Variants in PIK3R5 observed in about 807,000 individuals in gnomAD.
The protein encoded by PIK3R5 is phosphoinositide 3-kinase regulatory subunit 5.
PIK3R5 carries 32 observed loss-of-function variants against 94.9 expected under a neutral mutation model. The ratio of observed to expected loss-of-function variants is 0.34; its 90% CI spans 0.25 to 0.45. PIK3R5 has a LOEUF of 0.45. Among genes scored for constraint, PIK3R5 ranks in the 20% least tolerant of loss-of-function variants. PIK3R5 has a pLI of 1.00. For missense variants in PIK3R5, 853 were observed against 1,144.6 expected (o/e 0.75, Z 3.68); for synonymous variants, 443 against 479.4 (o/e 0.92, Z 0.99).
intron 5 of PIK3R5, among the ~76,000 whole-genome samples, chr17:8,895,118 A>C (rs1228381595): frequency 6.6e-6 from 1 of 152,162 alleles, no homozygotes; most frequent in East Asian, 1.9e-4. Context: ...GACTTGGGAC[A>C]CCATCTGGTG....
chr17:8,951,315 A>G (rs559271346), intron 1 of PIK3R5, among the ~76,000 whole-genome samples: 2 of 152,298 alleles, frequency 1.3e-5, no homozygotes, highest in South Asian at 4.1e-4. Flanking sequence ...AAGTACATTC[A>G]CAATGTTGTG....
In PIK3R5 at chr17:8,935,740, T is replaced by G. The variant is rs1383009609; in HGVS notation, c.-13-24233A>C. Reference sequence around the variant, plus strand: ...GGACAGCTCCTGGCAGGATGGGGCTTGGCATCGGATTTCAGTCAACATAAG... The same window carrying G: ...GGACAGCTCCTGGCAGGATGGGGCTGGGCATCGGATTTCAGTCAACATAAG... On this transcript the variant is annotated intron_variant, in intron 1 of 18. Coordinates refer to ENST00000447110, the MANE Select transcript of PIK3R5 (RefSeq NM_001142633.3). This position sits in a 1 kb window ranked among gnomAD's most constrained non-coding sequence, Gnocchi z 4.5. Among the ~76,000 whole-genome samples the G allele has an allele frequency of 1.3e-5, 2 of 152,106 alleles. No homozygotes were observed. Among genetic ancestry groups the G allele is most frequent in the Non-Finnish European group, 2.9e-5 (2 of 68,006 alleles).
At chr17:8,913,962 G>C (rs1318314671) in intron 1 of PIK3R5, among the ~76,000 whole-genome samples, 1 of 152,176 alleles carries the variant, frequency 6.6e-6, no homozygotes, top group Non-Finnish European at 1.5e-5. Flanking sequence ...GCATCTGTGG[G>C]GACTGACACC....
At chr17:8,932,162 G>A (rs1284255997) in intron 1 of PIK3R5, among the ~76,000 whole-genome samples, 1 of 152,116 alleles carries the variant, frequency 6.6e-6, no homozygotes, top group South Asian at 2.1e-4. Flanking sequence ...TTATAAATAT[G>A]TTCAGAGATT....
rs759798966 is a variant in PIK3R5, at chr17:8,889,957, C to T, written c.811+16G>A. The T allele has an allele frequency of 3.3e-5, 53 of 1,613,004 alleles. 1 individual carries two copies. The South Asian group carries it at 5.4e-4, about 16-fold the overall frequency. On this transcript the variant is annotated intron_variant, in intron 8 of 18. Transcript: ENST00000447110. This position sits in a 1 kb window ranked among gnomAD's most constrained non-coding sequence, Gnocchi z 4.1. ...ATGGGGAATGTGGGAGAACCCCATT[C>T]TCCCAAGAGCCTCACCTAACACCCC...
At chr17:8,928,645 A>G (rs1018234385) in intron 1 of PIK3R5, among the ~76,000 whole-genome samples, 4 of 152,244 alleles carry the variant, frequency 2.6e-5, no homozygotes, top group Non-Finnish European at 4.4e-5. Context: ...CCTAGAGTCC[A>G]ATATCCAGCA....
Position 8,888,337 on chromosome 17 carries a change from G to C in PIK3R5, c.1450C>G (p.Leu484Val). 2 of 1,612,494 alleles carry C rather than the reference G, an allele frequency of 1.2e-6. No individual in the cohort carries two copies. The highest frequency in any genetic ancestry group is 1.7e-6 in the Non-Finnish European group (2 of 1,179,654). ...AGCCAGCTGGGCAGCTGGGTACCGA[G>C]TTTGGGCTGGGGCAGGGAGCGGGAG... ...QRSRSLPQPK[L>V]GTQLPSWLLA... Residue 484 changes from leucine (L) to valine (V), a missense_variant, in exon 10 of 19, where the codon CTC (leucine) becomes GTC (valine). Around this residue, in one of 6 missense-constraint regions of PIK3R5, gnomAD observed 319 missense variants for 339.8 expected, o/e 0.94. Transcript: ENST00000447110. This position sits in a 1 kb window ranked among gnomAD's most constrained non-coding sequence, Gnocchi z 7.8.
At chr17:8,898,719 C>T (rs190662135) in intron 5 of PIK3R5, among the ~76,000 whole-genome samples, 6 of 152,280 alleles carry the variant, frequency 3.9e-5, no homozygotes, top group South Asian at 4.1e-4. Context: ...TCATCATCAA[C>T]GATAATTATA....
chr17:8,932,962 A>G (rs540653461), intron 1 of PIK3R5, among the ~76,000 whole-genome samples: 2 of 152,286 alleles, frequency 1.3e-5, no homozygotes, highest in African/African-American at 4.8e-5. Flanking sequence ...GCTGAAAATC[A>G]AAGATAAAGA....
At chr17:8,902,846 A>ATTTTTTTTTTTTTTTTTTTTTTTGTT (rs35776068) in intron 5 of PIK3R5, among the ~76,000 whole-genome samples, 1 of 140,168 alleles carries the variant, frequency 7.1e-6, no homozygotes, top group Non-Finnish European at 1.5e-5. Flanking sequence ...TTTAGATAGA[A>ATTTTTTTTTTTTTTTTTTTTTTTGTT]TTTTTTTTTT....
chr17:8,892,157 C>A lies in PIK3R5; in HGVS notation c.483-1245G>T, dbSNP rs1399415667. Among the ~76,000 whole-genome samples the A allele has an allele frequency of 2.6e-5, 4 of 152,172 alleles. No individual in the cohort carries two copies. The highest frequency in any genetic ancestry group is 4.4e-5 in the Non-Finnish European group (3 of 68,038). ...CGTTTAAACCCAGTGCAAAGGAGCACCACGCAGGGCAGCATTCCCTCCACA... is the reference window on the plus strand; with the variant it reads ...CGTTTAAACCCAGTGCAAAGGAGCAACACGCAGGGCAGCATTCCCTCCACA... On this transcript the variant is annotated intron_variant, in intron 6 of 18. Coordinates refer to ENST00000447110, the MANE Select transcript of PIK3R5 (RefSeq NM_001142633.3). The surrounding 1 kb of genome is among the most constrained non-coding windows in gnomAD (Gnocchi z 4.3).
In PIK3R5 at chr17:8,911,561, C is replaced by T; in HGVS notation, c.-13-54G>A. Reference sequence around the variant, plus strand: ...TGTCGAGCTCCTTTCCCAGAGAGCACCTGGTCCAGTAAAGACAACAGGTGC... The same window carrying T: ...TGTCGAGCTCCTTTCCCAGAGAGCATCTGGTCCAGTAAAGACAACAGGTGC... On this transcript the variant is annotated intron_variant, in intron 1 of 18. Coordinates refer to ENST00000447110, the MANE Select transcript of PIK3R5 (RefSeq NM_001142633.3). The surrounding 1 kb of genome is among the most constrained non-coding windows in gnomAD (Gnocchi z 5.3). 2 of 1,208,972 alleles carry T rather than the reference C, an allele frequency of 1.7e-6. No homozygotes were observed. The highest frequency in any genetic ancestry group is 2.4e-6 in the Non-Finnish European group (2 of 840,232). 74.9% of individuals were successfully genotyped at this position (1,208,972 alleles called of 1,614,324 possible).
At position 8,887,116 on chromosome 17, in the gene PIK3R5, G is replaced by A. The variant is rs61761068; in HGVS notation, c.1885C>T (p.Pro629Ser). 2,461 of 1,614,038 alleles carry A rather than the reference G, an allele frequency of 1.5e-3. 30 individuals carry two copies. In the African/African-American group the frequency reaches 0.027, roughly 18 times the overall value. ...ERNVLGLMHL[P>S]PEVLCQQSLK... is the part of the protein sequence containing the mutation. ...CTTACCTGGCACAGGACTTCAGGGG[G>A]CAGGTGCATGAGGCCCAGTACATTG... The change falls in exon 12 of 19, where the codon CCC becomes TCC. Residue 629 changes from proline to serine, a missense_variant. Physicochemically the swap from Pro to Ser is moderately conservative, Grantham distance 74. Transcript: ENST00000447110.
At chr17:8,898,076 C>T (rs1255040295) in intron 5 of PIK3R5, among the ~76,000 whole-genome samples, 1 of 152,188 alleles carries the variant, frequency 6.6e-6, no homozygotes, top group Admixed American at 6.5e-5. Context: ...TCTGGAACAC[C>T]TGCCTCTACT....
intron 1 of PIK3R5, among the ~76,000 whole-genome samples, chr17:8,923,296 G>A (rs2090791493): frequency 6.6e-6 from 1 of 152,158 alleles, no homozygotes; most frequent in Non-Finnish European, 1.5e-5. Flanking sequence ...AAGACAACAG[G>A]ATGTACAATG....
chr17:8,944,260 G>C (rs2091236801), intron 1 of PIK3R5, among the ~76,000 whole-genome samples: 1 of 152,136 alleles, frequency 6.6e-6, no homozygotes, highest in African/African-American at 2.4e-5. Flanking sequence ...ACATGATCTT[G>C]TTCTTTTTCA....
In PIK3R5 at chr17:8,935,209, C is replaced by A. The variant is rs958000008; in HGVS notation, c.-13-23702G>T. On this transcript the variant is annotated intron_variant, in intron 1 of 18. Transcript: ENST00000447110. This position sits in a 1 kb window ranked among gnomAD's most constrained non-coding sequence, Gnocchi z 4.5. ...TTCTCTAGCGGGCTTTCAACTCTGACGTCAATGTCCCATCTAACATAATGG... is the reference window on the plus strand; with the variant it reads ...TTCTCTAGCGGGCTTTCAACTCTGAAGTCAATGTCCCATCTAACATAATGG... 1.3e-5 allele frequency among the ~76,000 whole-genome samples: 2 copies of A among 152,140 alleles called. No individual in the cohort carries two copies. Among genetic ancestry groups the A allele is most frequent in the Non-Finnish European group, 2.9e-5 (2 of 68,024 alleles).
At chr17:8,934,559 A>G (rs2091040027) in intron 1 of PIK3R5, among the ~76,000 whole-genome samples, 1 of 152,170 alleles carries the variant, frequency 6.6e-6, no homozygotes, top group South Asian at 2.1e-4. Flanking sequence ...GAAATGAATA[A>G]CATGCCTTCG....
At chr17:8,891,209 C>T (rs947790797) in intron 6 of PIK3R5, among the ~76,000 whole-genome samples, 3 of 152,162 alleles carry the variant, frequency 2.0e-5, no homozygotes, top group South Asian at 4.1e-4. Flanking sequence ...TTTATATAAA[C>T]GTTTTTTCCT....
Sources: gnomAD v4.1 joint callset for allele counts (sites outside exome capture counted in the v4.1 genomes callset) on GRCh38, gnomAD v4.1.1 for gene constraint, gnomAD v4.1.1 regional missense constraint, Gnocchi (gnomAD v3.1) non-coding constraint, MANE v1.5 for transcripts, NCBI Gene and HGNC (gene_info 2026-07-23, HGNC 2026-07-21) for gene names.